ZNF506: variants seen among roughly 807,000 people sequenced by gnomAD.
ZNF506 encodes the protein zinc finger protein 506.
In ZNF506, 10 loss-of-function variants were observed where a neutral mutation model predicts 11.6. That is an observed-to-expected ratio of 0.86 (90% CI 0.53 to 1.46). ZNF506 has a LOEUF of 1.46. Ranked by LOEUF, ZNF506 falls within the 40% of genes most tolerant of loss-of-function variation. ZNF506 has a pLI of 0.00. For missense variants in ZNF506, 425 were observed against 521.2 expected (o/e 0.82, Z 1.80); for synonymous variants, 156 against 173.3 (o/e 0.90, Z 0.78).
intron 1 of ZNF506, among the ~76,000 whole-genome samples, chr19:19,814,303 G>A (rs2062910090): frequency 6.6e-6 from 1 of 151,866 alleles, no homozygotes; most frequent in South Asian, 2.1e-4. Flanking sequence ...AGCTACTCGG[G>A]AGACTGAGGC....
intron 1 of ZNF506, among the ~76,000 whole-genome samples, chr19:19,811,659 G>A (rs750282424): frequency 7.2e-5 from 11 of 152,028 alleles, no homozygotes; most frequent in Admixed American, 1.3e-4. Context: ...AAAATTAGCC[G>A]GATGCGATGG....
chr19:19,812,384 C>G (rs2062890008), intron 1 of ZNF506, among the ~76,000 whole-genome samples: 1 of 152,248 alleles, frequency 6.6e-6, no homozygotes, highest in Non-Finnish European at 1.5e-5. Context: ...ACTCCACAAC[C>G]TGGATCACCC....
chr19:19,807,311 A>G (rs2062843288), intron 1 of ZNF506, among the ~76,000 whole-genome samples: 1 of 152,228 alleles, frequency 6.6e-6, no homozygotes, highest in Non-Finnish European at 1.5e-5. Flanking sequence ...TAAAGTATAA[A>G]ATTACGGCCA....
intron 2 of ZNF506, 76 bp downstream of exon 2, chr19:19,806,866 T>TA (rs1167021923): frequency 1.3e-6 from 2 of 1,530,354 alleles, no homozygotes; most frequent in East Asian, 2.3e-5. Flanking sequence ...AATAAATTAC[T>TA]AAAAAACATT....
At chr19:19,808,173 G>C (rs1292119826) in intron 1 of ZNF506, among the ~76,000 whole-genome samples, 1 of 124,026 alleles carries the variant, frequency 8.1e-6, no homozygotes, top group Non-Finnish European at 1.6e-5. Context: ...GCCCAGGCCG[G>C]AGTGCAGTGG....
At chr19:19,802,868 C>T (rs1440736546) in intron 3 of ZNF506, among the ~76,000 whole-genome samples, 2 of 152,158 alleles carry the variant, frequency 1.3e-5, no homozygotes, top group Non-Finnish European at 2.9e-5. Context: ...CTATCCCTGA[C>T]AAAAATGCCT....
At chr19:19,797,436 G>GAAAAA (rs77600495) in intron 3 of ZNF506, 2 of 95,626 alleles carry the variant, frequency 2.1e-5, no homozygotes, top group Non-Finnish European at 4.8e-5. Context: ...TCCGTCTCAG[G>GAAAAA]AAAAAAAAAA....
chr19:19,797,451 A>AAAAAAAAAT (rs1568472932), intron 3 of ZNF506: 1 of 149,300 alleles, frequency 6.7e-6, no homozygotes. Flanking sequence ...AAAAAAAAAA[A>AAAAAAAAAT]AAAACAAATA....
At chr19:19,798,772 C>T (rs1349377737) in intron 3 of ZNF506, 3 of 147,914 alleles carry the variant, frequency 2.0e-5, no homozygotes, top group Non-Finnish European at 4.5e-5. Flanking sequence ...GAAATTAAGA[C>T]ACAAAGATAC....
chr19:19,794,496 CTAGT>C lies in ZNF506; in HGVS notation c.*52_*55del. 1.3e-6 allele frequency: 2 copies of C among 1,484,498 alleles called. No homozygotes were observed. Among genetic ancestry groups the C allele is most frequent in the Admixed American group, 4.3e-5 (2 of 46,288 alleles). The allele number at this position is 1,484,498 out of a possible 1,614,324, so 92.0% of individuals were successfully genotyped here. On this transcript the variant is annotated 3_prime_UTR_variant, in exon 4 of 4. Coordinates refer to ENST00000540806, the MANE Select transcript of ZNF506 (RefSeq NM_001099269.3). Reference sequence around the variant, plus strand: ...TCTCATATTTAGTCAGAGTCCAGGGCTAGTTAAAGGCTTTCCCACATTCATCACA... The same window carrying C: ...TCTCATATTTAGTCAGAGTCCAGGGCTAAAGGCTTTCCCACATTCATCACA...
At chr19:19,817,635 T>C (rs949983304) in intron 1 of ZNF506, among the ~76,000 whole-genome samples, 16 of 152,156 alleles carry the variant, frequency 1.1e-4, no homozygotes, top group African/African-American at 3.9e-4. Flanking sequence ...GCTGCAGGGG[T>C]GGCTCCTCAG....
rs936925791 is a variant in ZNF506, at chr19:19,795,257, A to G, written c.630T>C (p.Tyr210=). 1 of 1,613,894 alleles carries G rather than the reference A, an allele frequency of 6.2e-7. No homozygotes were observed. The highest frequency in any genetic ancestry group is 8.5e-7 in the Non-Finnish European group (1 of 1,179,962). The change falls in exon 4 of 4, where the codon TAT becomes TAC. Residue 210 remains tyrosine, a synonymous_variant. Transcript: ENST00000540806. ...GTGTAGTAAGGTGTGAGGACTGCTT[A>G]TAGGCTTTACCACATTCTTCACATT... is the stretch of plus-strand genomic sequence containing the variant. ...RYKCEECGKA[Y]KQSSHLTTHK...
intron 3 of ZNF506, chr19:19,799,436 C>T: frequency 1.5e-6 from 1 of 675,938 alleles, no homozygotes; most frequent in Non-Finnish European, 2.7e-6. Flanking sequence ...TAAAACATTC[C>T]TCTTTATAGA....
intron 1 of ZNF506, among the ~76,000 whole-genome samples, chr19:19,819,663 T>C (rs947293546): frequency 2.0e-5 from 3 of 152,148 alleles, no homozygotes; most frequent in Non-Finnish European, 4.4e-5. Context: ...ATTCGGTAAG[T>C]TCTCTGGAAA....
chr19:19,795,541 CT>C lies in ZNF506; in HGVS notation c.345del (p.Gly116AlafsTer5). On this transcript the variant is annotated frameshift_variant, in exon 4 of 4. Coordinates refer to ENST00000540806, the MANE Select transcript of ZNF506 (RefSeq NM_001099269.3). LOFTEE classifies it low-confidence loss of function (END_TRUNC). The part of the protein sequence containing the change: ...KCRHDNLQLK[K>X]GCESVDECPV... Reference sequence around the variant, plus strand: ...GGACACTCATCTACACTTTCACAGCCTTTTTTTAACTGTAAATTGTCATGTC... The same window carrying C: ...GGACACTCATCTACACTTTCACAGCCTTTTTTAACTGTAAATTGTCATGTC... 2 of 1,596,580 alleles carry C rather than the reference CT, an allele frequency of 1.3e-6. No homozygotes were observed. Among genetic ancestry groups the C allele is most frequent in the East Asian group, 2.2e-5 (1 of 44,728 alleles).
intron 3 of ZNF506, chr19:19,797,103 A>AG (rs2062748650): frequency 6.6e-6 from 1 of 152,226 alleles, no homozygotes; most frequent in Non-Finnish European, 1.5e-5. Flanking sequence ...AAAAATTATA[A>AG]AATTTTCAAA....
rs199847305 is a variant in ZNF506 at position 19,794,854 on chromosome 19, C to T, written c.1033G>A (p.Glu345Lys). 33 of 1,613,256 alleles carry T rather than the reference C, an allele frequency of 2.0e-5. No homozygotes were observed. The highest frequency in any genetic ancestry group is 4.0e-5 in the African/African-American group (3 of 74,640). Residue 345 changes from glutamate to lysine, a missense_variant, in exon 4 of 4, where the codon GAA becomes AAA. By Grantham distance (56) the Glu-to-Lys change is moderately conservative. Transcript: ENST00000540806. The part of the protein sequence containing the change: ...HTGDVPYKCD[E>K]CGKTFTWYSS... ...TACCAGGTAAAGGTTTTGCCACATT[C>T]GTCACATTTGTAGGGTACATCTCCA...
intron 1 of ZNF506, among the ~76,000 whole-genome samples, chr19:19,813,713 G>A (rs1187735172): frequency 6.6e-6 from 1 of 152,208 alleles, no homozygotes; most frequent in African/African-American, 2.4e-5. Flanking sequence ...GCTCATGCCT[G>A]TAATCCCAGC....
chr19:19,805,593 A>C (rs915582774), intron 3 of ZNF506, among the ~76,000 whole-genome samples: 20 of 152,334 alleles, frequency 1.3e-4, no homozygotes, highest in African/African-American at 4.8e-4. Flanking sequence ...AATAAAACAG[A>C]AAAATGAACA....
Sources: allele counts gnomAD v4.1 joint callset (sites outside exome capture counted in the v4.1 genomes callset), GRCh38; gene constraint gnomAD v4.1.1; transcripts MANE v1.5; gene names NCBI Gene and HGNC (gene_info 2026-07-23, HGNC 2026-07-21).